Variants in HNRNPC observed in about 807,000 individuals in gnomAD.
HNRNPC encodes heterogeneous nuclear ribonucleoproteins C1/C2.
HNRNPC carries 3 observed loss-of-function variants against 33.2 expected under a neutral mutation model. That is an observed-to-expected ratio of 0.09 (90% confidence interval 0.04 to 0.23). The LOEUF (loss-of-function observed/expected upper bound fraction) is 0.23. Among genes scored for constraint, HNRNPC ranks in the 10% least tolerant of loss-of-function variants. HNRNPC has a pLI of 1.00. For synonymous variants in HNRNPC, 121 were observed against 126.7 expected, an observed-to-expected ratio of 0.96 and a Z score of 0.30; for missense variants, 143 against 366.7, an observed-to-expected ratio of 0.39 and a Z score of 4.98.
rs184250630 is a variant in HNRNPC at position 21,223,136 on chromosome 14, G to A, written c.365+7183C>T. On this transcript the variant is annotated intron_variant, in intron 5 of 8. Coordinates refer to ENST00000553300, the MANE Select transcript of HNRNPC (RefSeq NM_004500.4). ...CAGAAGAATCACTTGAAACCAGGAG[G>A]CAGAGGTTGCACTGAGCCAAGATCT... 1.2e-3 allele frequency among the ~76,000 whole-genome samples: 183 copies of A among 152,146 alleles called. 1 individual carries two copies. Among genetic ancestry groups the A allele is most frequent in the Middle Eastern group, 0.01 (3 of 294 alleles).
chr14:21,258,389 CAA>C (rs200828812), intron 2 of HNRNPC, among the ~76,000 whole-genome samples: 19 of 132,700 alleles, frequency 1.4e-4, no homozygotes, highest in South Asian at 2.3e-4. Flanking sequence ...GACTATGTCT[CAA>C]AAAAAAAAAA....
At chr14:21,229,782 A>C (rs7147655) in intron 5 of HNRNPC, among the ~76,000 whole-genome samples, 52,299 of 152,078 alleles carry the variant, frequency 0.34, 9,148 homozygotes, top group Admixed American at 0.39. Flanking sequence ...TACTGGCATT[A>C]TAAGACAAAT....
intron 1 of HNRNPC, among the ~76,000 whole-genome samples, chr14:21,266,945 G>C (rs1167081826): frequency 6.6e-6 from 1 of 151,540 alleles, no homozygotes; most frequent in East Asian, 1.9e-4. Flanking sequence ...ATAAAAATTA[G>C]CCCGGTGCGG....
rs759598422 is a variant in HNRNPC, at chr14:21,230,301, CAA to C, written c.365+16_365+17del. On this transcript the variant is annotated intron_variant, in intron 5 of 8. Transcript: ENST00000553300. ...ACTAAATAGCTGTTTAGCAGAAATA[CAA>C]AACATTTTAACATACCTATCATAAT... 8.3e-6 allele frequency: 13 copies of C among 1,571,062 alleles called. No individual in the cohort carries two copies. Among genetic ancestry groups the C allele is most frequent in the South Asian group, 5.6e-5 (5 of 89,214 alleles).
intron 2 of HNRNPC, among the ~76,000 whole-genome samples, chr14:21,243,903 CAT>C (rs937569048): frequency 6.6e-6 from 1 of 151,900 alleles, no homozygotes; most frequent in African/African-American, 2.4e-5. Flanking sequence ...GTAAAATATA[CAT>C]ATATATATAC....
chr14:21,211,757 C>T lies in HNRNPC; in HGVS notation c.637+53G>A, dbSNP rs535014388. The stretch of plus-strand genomic sequence containing the variant: ...CTATTCCAACATGTACTTTCAAGTG[C>T]CTTATGTAACTAACCCAACTGTATA... On this transcript the variant is annotated intron_variant, in intron 7 of 8. Transcript: ENST00000553300. 40 of 1,510,540 alleles carry T rather than the reference C, an allele frequency of 2.6e-5. No individual in the cohort carries two copies. In the African/African-American group the frequency reaches 4.4e-4, roughly 17 times the overall value. The allele number at this position is 1,510,540 out of a possible 1,614,324, so 93.6% of individuals were successfully genotyped here. A position where few individuals can be genotyped will look rare whatever the true frequency, so the allele number is the denominator to read the frequency against.
At chr14:21,254,482 T>C (rs1173423816) in intron 2 of HNRNPC, 1 of 152,218 alleles carries the variant, frequency 6.6e-6, no homozygotes, top group African/African-American at 2.4e-5. Context: ...AGCTGTATTT[T>C]CTAAAAATGT....
chr14:21,218,772 G>C (rs1892510700), intron 5 of HNRNPC, among the ~76,000 whole-genome samples: 2 of 149,910 alleles, frequency 1.3e-5, no homozygotes, highest in South Asian at 4.2e-4. Flanking sequence ...GGCCAAGGCA[G>C]GCAGATCGCT....
chr14:21,241,036 C>T (rs1167534338), intron 2 of HNRNPC, among the ~76,000 whole-genome samples: 5 of 151,992 alleles, frequency 3.3e-5, no homozygotes, highest in Admixed American at 6.6e-5. Context: ...TCTGGGAGGC[C>T]GAGGTGGGTA....
intron 5 of HNRNPC, among the ~76,000 whole-genome samples, chr14:21,224,919 A>G (rs989316987): frequency 6.6e-6 from 1 of 152,196 alleles, no homozygotes; most frequent in East Asian, 1.9e-4. Context: ...AGAATTTCAT[A>G]CTCGTTACTT....
At position 21,221,874 on chromosome 14, in the gene HNRNPC, C is replaced by T. The variant is rs554242467; in HGVS notation, c.365+8445G>A. On this transcript the variant is annotated intron_variant, in intron 5 of 8. Coordinates refer to ENST00000553300, the MANE Select transcript of HNRNPC (RefSeq NM_004500.4). ...CATCCTGGCAAACATGGTGAAACCA[C>T]GTCTCTACTAAAAAATACAAAAATA... Among the ~76,000 whole-genome samples the T allele has an allele frequency of 5.3e-5, 8 of 151,756 alleles. No homozygotes were observed. The East Asian group carries it at 9.7e-4, about 18-fold the overall frequency.
At chr14:21,239,409 G>C (rs1385496771) in intron 2 of HNRNPC, among the ~76,000 whole-genome samples, 1 of 152,126 alleles carries the variant, frequency 6.6e-6, no homozygotes. Context: ...GAACCTTGGA[G>C]GCAGAGGTGC....
intron 2 of HNRNPC, among the ~76,000 whole-genome samples, chr14:21,251,804 A>G (rs1896711850): frequency 6.6e-6 from 1 of 152,188 alleles, no homozygotes; most frequent in African/African-American, 2.4e-5. Flanking sequence ...ATACATATAA[A>G]TTTTCAGTAA....
Position 21,210,504 on chromosome 14 carries a change from T to C in HNRNPC, c.*719A>G, listed in dbSNP as rs746631170. 2 of 152,504 alleles carry C rather than the reference T, an allele frequency of 1.3e-5. No homozygotes were observed. 9.4% of individuals were successfully genotyped at this position (152,504 alleles called of 1,614,324 possible). On this transcript the variant is annotated 3_prime_UTR_variant, in exon 9 of 9. Coordinates refer to ENST00000553300, the MANE Select transcript of HNRNPC (RefSeq NM_004500.4). ...TGTGGAGGACGCTGTAAAACAAAGT[T>C]TGAAGTAAACAATAATAAAATACAA...
In HNRNPC at chr14:21,209,175, G is replaced by C. The variant is rs931774609; in HGVS notation, c.*2048C>G. The C allele has an allele frequency of 1.3e-5, 2 of 152,156 alleles. No individual in the cohort carries two copies. Among genetic ancestry groups the C allele is most frequent in the African/African-American group, 4.8e-5 (2 of 41,450 alleles). 9.4% of individuals were successfully genotyped at this position (152,156 alleles called of 1,614,324 possible). The stretch of plus-strand genomic sequence containing the variant: ...ACATTTTATCAGGTATTTTAATGTA[G>C]AGATGATTTAAAATATACAGGAGAA... On this transcript the variant is annotated 3_prime_UTR_variant, in exon 9 of 9. Transcript: ENST00000553300.
At chr14:21,253,671 C>A (rs939052718) in intron 2 of HNRNPC, among the ~76,000 whole-genome samples, 6 of 152,036 alleles carry the variant, frequency 3.9e-5, no homozygotes, top group Non-Finnish European at 8.8e-5. Context: ...AGCAAAAGAT[C>A]CAAAGTAATT....
At chr14:21,254,436 A>G (rs1277304572) in intron 2 of HNRNPC, 1 of 152,178 alleles carries the variant, frequency 6.6e-6, no homozygotes, top group Non-Finnish European at 1.5e-5. Context: ...AAGCCCCAAA[A>G]AGCCTGGAAG....
Position 21,210,370 on chromosome 14 carries a change from T to C in HNRNPC, c.*853A>G, listed in dbSNP as rs1891476304. 6.6e-6 allele frequency: 1 copy of C among 152,380 alleles called. No homozygotes were observed. 9.4% of individuals were successfully genotyped at this position (152,380 alleles called of 1,614,324 possible). ...AGTCTCCACTCTATGTCAAGTTGAC[T>C]CCTCAATGCAACATGCATCTCAATG... On this transcript the variant is annotated 3_prime_UTR_variant, in exon 9 of 9. Transcript: ENST00000553300.
chr14:21,231,920 T>C lies in HNRNPC; in HGVS notation c.242-848A>G, dbSNP rs151161143. On this transcript the variant is annotated intron_variant, in intron 3 of 8. Coordinates refer to ENST00000553300, the MANE Select transcript of HNRNPC (RefSeq NM_004500.4). ...TATGCCAATTCACAAATTAACATAG[T>C]GAAGTGTGACAACCTCAAATCATCC... Among the ~76,000 whole-genome samples the C allele has an allele frequency of 3.3e-5, 5 of 152,310 alleles. No homozygotes were observed. The East Asian group carries it at 7.7e-4, about 23-fold the overall frequency.
Sources: gnomAD v4.1 joint callset for allele counts (sites outside exome capture counted in the v4.1 genomes callset) on GRCh38, gnomAD v4.1.1 for gene constraint, MANE v1.5 for transcripts, NCBI Gene and HGNC (gene_info 2026-07-23, HGNC 2026-07-21) for gene names.